Variants in CDH23 observed in about 807,000 individuals in gnomAD.
CDH23 encodes cadherin-23.
A neutral mutation model predicts 317.1 loss-of-function variants in CDH23; 189 were observed. The observed-to-expected ratio is 0.60, with a 90% confidence interval of 0.53 to 0.67. The LOEUF (loss-of-function observed/expected upper bound fraction) is 0.67. CDH23 is among the 30% of genes least tolerant of loss of function. The pLI, the probability that CDH23 is intolerant of heterozygous loss-of-function variation, is 0.00. For missense variants in CDH23, 4,401 were observed against 4,592.4 expected (o/e 0.96, Z 1.20); for synonymous variants, 1,839 against 1,876.8 (o/e 0.98, Z 0.52).
intron 6 of CDH23, among the ~76,000 whole-genome samples, chr10:71,535,409 C>T (rs1236041927): frequency 6.6e-6 from 1 of 152,172 alleles, no homozygotes; most frequent in Non-Finnish European, 1.5e-5. Flanking sequence ...CCATGAGCAC[C>T]ACGAGTCAGC....
chr10:71,463,193 G>A (rs530777415), intron 3 of CDH23, among the ~76,000 whole-genome samples: 4 of 152,316 alleles, frequency 2.6e-5, no homozygotes, highest in East Asian at 1.9e-4. Flanking sequence ...AAGAGGCCGC[G>A]TTCTGAAATT....
intron 14 of CDH23, among the ~76,000 whole-genome samples, chr10:71,654,963 A>G (rs563985399): frequency 2.0e-5 from 3 of 152,304 alleles, no homozygotes; most frequent in Non-Finnish European, 4.4e-5. Context: ...CCCAGCTGTC[A>G]ATGGAGAGAA....
At position 71,687,683 on chromosome 10, in the gene CDH23, G is replaced by A. The variant is rs376039927; in HGVS notation, c.2023G>A (p.Ala675Thr). Residue 675 changes from alanine (A) to threonine (T), a missense_variant, in exon 19 of 70, where the codon GCC (alanine) becomes ACC (threonine). Transcript: ENST00000224721. ...NDNPPTFSKPAYFVSVVENIM... is the reference protein window; with the variant it reads ...NDNPPTFSKPTYFVSVVENIM... ...CAACCCTCCCACCTTCAGCAAGCCCGCCTACTTCGTCTCCGTGGTGGAGAA... is the reference window on the plus strand; with the variant it reads ...CAACCCTCCCACCTTCAGCAAGCCCACCTACTTCGTCTCCGTGGTGGAGAA... The A allele has an allele frequency of 1.6e-5, 26 of 1,613,762 alleles. No individual in the cohort carries two copies. The highest frequency in any genetic ancestry group is 9.9e-5 in the South Asian group (9 of 91,076).
rs144616260 is a variant in CDH23 at position 71,525,063 on chromosome 10, A to G, written c.429+13851A>G. ...GCTGGGATTACAGGCGTGCACCACCATGCCCAGCTAATTTTTGTATTTTTA... is the reference window on the plus strand; with the variant it reads ...GCTGGGATTACAGGCGTGCACCACCGTGCCCAGCTAATTTTTGTATTTTTA... On this transcript the variant is annotated intron_variant, in intron 6 of 69. Transcript: ENST00000224721. 4.6e-3 allele frequency among the ~76,000 whole-genome samples: 706 copies of G among 151,992 alleles called. 11 individuals carry two copies. The highest frequency in any genetic ancestry group is 0.016 in the African/African-American group (674 of 41,420).
chr10:71,813,140 C>T lies in CDH23; in HGVS notation c.9634-104C>T, dbSNP rs1350765487. ...CCGCTGATCCTCTGCCCTAGGATCACCAGGATCAGATGTCCGTGTACCCCT... is the reference window on the plus strand; with the variant it reads ...CCGCTGATCCTCTGCCCTAGGATCATCAGGATCAGATGTCCGTGTACCCCT... On this transcript the variant is annotated intron_variant, in intron 68 of 69. Transcript: ENST00000224721. The T allele has an allele frequency of 6.6e-6, 8 of 1,205,038 alleles. No homozygotes were observed. The Admixed American group carries it at 1.6e-4, about 25-fold the overall frequency. 74.6% of individuals were successfully genotyped at this position (1,205,038 alleles called of 1,614,324 possible).
At chr10:71,735,768 C>T (rs954101025) in intron 34 of CDH23, among the ~76,000 whole-genome samples, 13 of 152,194 alleles carry the variant, frequency 8.5e-5, no homozygotes, top group Non-Finnish European at 1.6e-4. Flanking sequence ...CTGGGCCATA[C>T]CTAAAGGCCC....
chr10:71,773,915 G>C (rs1391066020), intron 38 of CDH23, among the ~76,000 whole-genome samples: 1 of 152,122 alleles, frequency 6.6e-6, no homozygotes, highest in Admixed American at 6.5e-5. Context: ...CTTGGTATGT[G>C]GTAGGCACTC....
In CDH23 at chr10:71,655,794, T is replaced by G. The variant is rs188636702; in HGVS notation, c.1449+9177T>G. The stretch of plus-strand genomic sequence containing the variant: ...CAGGAGAAGGTTAGCAGAGGCCTCA[T>G]GGGGACACATGAGGCACAGAGATGG... On this transcript the variant is annotated intron_variant, in intron 14 of 69. Coordinates refer to ENST00000224721, the MANE Select transcript of CDH23 (RefSeq NM_022124.6). 3.3e-5 allele frequency among the ~76,000 whole-genome samples: 5 copies of G among 152,026 alleles called. No homozygotes were observed. In the East Asian group the frequency reaches 9.7e-4, roughly 29 times the overall value.
intron 38 of CDH23, among the ~76,000 whole-genome samples, chr10:71,767,691 T>C (rs1166596282): frequency 6.6e-6 from 1 of 152,230 alleles, no homozygotes; most frequent in Non-Finnish European, 1.5e-5. Context: ...AGGCATAGGC[T>C]CAGGGCCTGA....
At chr10:71,753,732 C>T (rs1840064053) in intron 38 of CDH23, 2 of 456,230 alleles carry the variant, frequency 4.4e-6, no homozygotes, top group Non-Finnish European at 8.8e-6. Context: ...AGATGCTTCT[C>T]GTTTTAAGGA....
intron 6 of CDH23, among the ~76,000 whole-genome samples, chr10:71,555,817 G>C (rs1856845676): frequency 6.6e-6 from 1 of 152,194 alleles, no homozygotes; most frequent in Admixed American, 6.5e-5. Context: ...AAGAAGGGAG[G>C]GAGGCCCCAG....
intron 3 of CDH23, among the ~76,000 whole-genome samples, chr10:71,488,446 T>C (rs1338894186): frequency 6.6e-6 from 1 of 152,200 alleles, no homozygotes; most frequent in Non-Finnish European, 1.5e-5. Flanking sequence ...AGTGCTGCCC[T>C]GGCCACTTTA....
intron 3 of CDH23, among the ~76,000 whole-genome samples, chr10:71,502,682 T>G (rs1375315468): frequency 6.6e-6 from 1 of 152,066 alleles, no homozygotes; most frequent in African/African-American, 2.4e-5. Flanking sequence ...TGAGGATGCA[T>G]TGGGAAGCAC....
rs190309335 is a variant in CDH23 at position 71,697,144 on chromosome 10, G to A, written c.2397+1619G>A. 8.5e-5 allele frequency among the ~76,000 whole-genome samples: 13 copies of A among 152,372 alleles called. No individual in the cohort carries two copies. The East Asian group carries it at 1.2e-3, about 14-fold the overall frequency. On this transcript the variant is annotated intron_variant, in intron 22 of 69. Coordinates refer to ENST00000224721, the MANE Select transcript of CDH23 (RefSeq NM_022124.6). ...AAATAGTACACCCGGCAGACAAGGCGTGGGTGTGCCAGGTGAGGACTGCAC... is the reference window on the plus strand; with the variant it reads ...AAATAGTACACCCGGCAGACAAGGCATGGGTGTGCCAGGTGAGGACTGCAC...
intron 3 of CDH23, among the ~76,000 whole-genome samples, chr10:71,495,360 T>C (rs1226061236): frequency 6.6e-6 from 1 of 151,710 alleles, no homozygotes; most frequent in African/African-American, 2.4e-5. Flanking sequence ...AGAAGGGAGG[T>C]TGTCTTGCTC....
intron 11 of CDH23, among the ~76,000 whole-genome samples, chr10:71,632,623 G>C (rs547295469): frequency 1.4e-4 from 21 of 152,244 alleles, no homozygotes; most frequent in African/African-American, 5.1e-4. Context: ...GGCAGGCTGG[G>C]GGAGGGGCTA....
At chr10:71,405,594 C>T (rs967956036) in intron 1 of CDH23, among the ~76,000 whole-genome samples, 1 of 152,122 alleles carries the variant, frequency 6.6e-6, no homozygotes, top group Non-Finnish European at 1.5e-5. Context: ...CATGCCATCA[C>T]GCCAGGCTAA....
At chr10:71,594,981 C>A (rs781252007) in intron 9 of CDH23, among the ~76,000 whole-genome samples, 2 of 152,206 alleles carry the variant, frequency 1.3e-5, no homozygotes, top group African/African-American at 4.8e-5. Context: ...AGGGCTCTGG[C>A]ATTAATATAC....
chr10:71,441,309 A>G lies in CDH23; in HGVS notation c.67+1411A>G, dbSNP rs1406913411. ...GCTCCTGAGAGCAGCCGTGGCCTCC[A>G]TGTTCGCTGCACGGTGGGAGTCAGG... On this transcript the variant is annotated intron_variant, in intron 2 of 69. Transcript: ENST00000224721. Among the ~76,000 whole-genome samples, 3 of 151,984 alleles carry G rather than the reference A, an allele frequency of 2.0e-5. No homozygotes were observed. The South Asian group carries it at 6.2e-4, about 32-fold the overall frequency.
Sources: gnomAD v4.1 joint callset for allele counts (sites outside exome capture counted in the v4.1 genomes callset) on GRCh38, gnomAD v4.1.1 for gene constraint, MANE v1.5 for transcripts, NCBI Gene and HGNC (gene_info 2026-07-23, HGNC 2026-07-21) for gene names.